Variants in UVSSA observed in about 807,000 individuals in gnomAD.
UVSSA encodes the protein UV-stimulated scaffold protein A.
Under a neutral mutation model 73.9 loss-of-function variants are expected in UVSSA, and 72 were observed. That is an observed-to-expected ratio of 0.97 (90% CI 0.81 to 1.19). UVSSA has a LOEUF of 1.19. UVSSA is among the 50% of genes most tolerant of loss of function. The pLI is 0.00. For synonymous variants in UVSSA, 454 were observed against 391.3 expected (o/e 1.16, Z -1.89); for missense variants, 1,150 against 965.0 (o/e 1.19, Z -2.54).
Position 1,395,147 on chromosome 4 carries a change from C to T in UVSSA, c.*9186C>T, listed in dbSNP as rs144963117. On this transcript the variant is annotated 3_prime_UTR_variant, in exon 14 of 14. Transcript: ENST00000511216. ...GATGTGGAGTGCCTGCCTGCTCACA[C>T]GTGCCCATGTGGAGTGTTCGCCTGC... is the stretch of plus-strand genomic sequence containing the variant. 2.1e-5 allele frequency: 27 copies of T among 1,299,824 alleles called. 6 individuals carry two copies. In the African/African-American group the frequency reaches 3.3e-4, roughly 16 times the overall value. 80.5% of individuals were successfully genotyped at this position (1,299,824 alleles called of 1,614,324 possible).
In UVSSA at chr4:1,353,251, C is replaced by T. The variant is rs1000286524; in HGVS notation, c.772C>T (p.Pro258Ser). ...GCAGCCCTGCTGCAGTAGAGACCTG[C>T]CTGCCTCTGCAGGCCACCCCAGAGC... ...GEQPCCSRDL[P>S]ASAGHPRAGG... Residue 258 changes from proline to serine, a missense_variant, in exon 5 of 14, where the codon CCT (proline) becomes TCT (serine). Transcript: ENST00000389851. 1 of 1,611,664 alleles carries T rather than the reference C, an allele frequency of 6.2e-7. No individual in the cohort carries two copies. The highest frequency in any genetic ancestry group is 1.7e-5 in the Admixed American group (1 of 59,992).
At chr4:1,370,651 G>A (rs1717919279) in intron 8 of UVSSA, among the ~76,000 whole-genome samples, 1 of 152,188 alleles carries the variant, frequency 6.6e-6, no homozygotes, top group Admixed American at 6.5e-5. Flanking sequence ...GATGGTGGGT[G>A]TGACTGGGTG....
chr4:1,342,171 C>A (rs1213632838), upstream of UVSSA, among the ~76,000 whole-genome samples: 1 of 152,202 alleles, frequency 6.6e-6, no homozygotes, highest in Non-Finnish European at 1.5e-5. Context: ...AACTGTACCA[C>A]AACTGCCAAA....
intron 8 of UVSSA, among the ~76,000 whole-genome samples, chr4:1,369,120 C>T (rs961227792): frequency 3.8e-5 from 5 of 131,022 alleles, no homozygotes; most frequent in African/African-American, 1.8e-4. Context: ...TAACCACGTT[C>T]TGCCGTTCTG....
chr4:1,375,957 G>T (rs1210716811), intron 9 of UVSSA, 77 bp from the exon 10 acceptor site: 1 of 1,540,460 alleles, frequency 6.5e-7, no homozygotes. Flanking sequence ...GCCTTGCTGT[G>T]GGGGTGGGGA....
downstream of UVSSA, chr4:1,388,496 T>C (rs1160565440): frequency 1.3e-5 from 2 of 152,242 alleles, no homozygotes; most frequent in Non-Finnish European, 2.9e-5. Context: ...TCCAGGACAA[T>C]GTTGAATAGA....
At chr4:1,346,653 C>A, upstream of UVSSA, among the ~76,000 whole-genome samples, 1 of 152,196 alleles carries the variant, frequency 6.6e-6, no homozygotes, top group South Asian at 2.1e-4. Context: ...TCAGGGCGCC[C>A]TGCGCGGGGC....
At chr4:1,377,160 G>A (rs1373217986) in intron 10 of UVSSA, among the ~76,000 whole-genome samples, 1 of 152,188 alleles carries the variant, frequency 6.6e-6, no homozygotes, top group East Asian at 1.9e-4. Flanking sequence ...CCGGGCAAGG[G>A]TCCTGGGGCA....
At chr4:1,368,357 C>T (rs979472156) in intron 8 of UVSSA, among the ~76,000 whole-genome samples, 5 of 152,266 alleles carry the variant, frequency 3.3e-5, no homozygotes, top group Non-Finnish European at 7.3e-5. Flanking sequence ...TAAAACCTGA[C>T]TTGTGGCTCT....
chr4:1,383,458 G>A (rs1353336087), intron 12 of UVSSA, among the ~76,000 whole-genome samples: 2 of 152,200 alleles, frequency 1.3e-5, no homozygotes, highest in African/African-American at 4.8e-5. Context: ...CCTAGGAGTG[G>A]CCTCTGGGCT....
chr4:1,359,369 ATCATCCGTGGCTGCGTCATTCGCT>A (rs1166226999), intron 7 of UVSSA: 2 of 152,198 alleles, frequency 1.3e-5, no homozygotes, highest in Non-Finnish European at 2.9e-5. Flanking sequence ...GGTGGGTGTG[ATCATCCGTGGCTGCGTCATTCGCT>A]GAGCTGATAA....
chr4:1,371,519 A>G (rs1718035883), intron 8 of UVSSA, among the ~76,000 whole-genome samples: 2 of 152,140 alleles, frequency 1.3e-5, no homozygotes, highest in Non-Finnish European at 1.5e-5. Context: ...TGCTGCTGAT[A>G]AGGACATACC....
chr4:1,351,389 T>C (rs1395410281), intron 3 of UVSSA, among the ~76,000 whole-genome samples: 1 of 143,384 alleles, frequency 7.0e-6, no homozygotes, highest in Admixed American at 7.0e-5. Flanking sequence ...TTTCTTTCTT[T>C]TTTTTTTTTT....
At chr4:1,342,079 CT>C (rs1291306468), upstream of UVSSA, among the ~76,000 whole-genome samples, 1 of 152,210 alleles carries the variant, frequency 6.6e-6, no homozygotes, top group Non-Finnish European at 1.5e-5. Flanking sequence ...GTGTGCCAGT[CT>C]TCTTGCAGAC....
At chr4:1,351,985 G>A (rs111554550) in intron 4 of UVSSA, 150 bp downstream of exon 4, 28 of 1,289,856 alleles carry the variant, frequency 2.2e-5, no homozygotes, top group African/African-American at 6.0e-5. Flanking sequence ...GCCGGAAGGC[G>A]TTCTTAGCCG....
At position 1,366,434 on chromosome 4, in the gene UVSSA, G is replaced by A; in HGVS notation, c.1288+3G>A. The A allele has an allele frequency of 6.2e-7, 1 of 1,604,884 alleles. No individual in the cohort carries two copies. Among genetic ancestry groups the A allele is most frequent in the Non-Finnish European group, 8.5e-7 (1 of 1,175,540 alleles). On this transcript the variant is annotated splice_donor_region_variant and intron_variant, in intron 8 of 13. Coordinates refer to ENST00000389851, the MANE Select transcript of UVSSA (RefSeq NM_020894.4). ...CGACCACTTGCGGCCTGAGTATGGTGAGCAGTGGGTCCCGTGGGGGGGGCA... is the reference window on the plus strand; with the variant it reads ...CGACCACTTGCGGCCTGAGTATGGTAAGCAGTGGGTCCCGTGGGGGGGGCA...
chr4:1,363,977 C>G (rs1055212450), intron 7 of UVSSA, among the ~76,000 whole-genome samples: 3 of 151,592 alleles, frequency 2.0e-5, no homozygotes, highest in Admixed American at 1.3e-4. Flanking sequence ...GCCCGGGCCC[C>G]GTGGCCTTGT....
intron 10 of UVSSA, among the ~76,000 whole-genome samples, chr4:1,377,677 TGAGA>T (rs1718941990): frequency 6.6e-6 from 1 of 151,760 alleles, no homozygotes; most frequent in African/African-American, 2.4e-5. Context: ...GCAGTTGGGC[TGAGA>T]GAGAGGCCTG....
At chr4:1,346,045 G>A (rs1273796049), upstream of UVSSA, among the ~76,000 whole-genome samples, 1 of 152,168 alleles carries the variant, frequency 6.6e-6, no homozygotes, top group Admixed American at 6.5e-5. Context: ...GCGGAGGAGC[G>A]GCTCGGGGCT....
Sources: gnomAD v4.1 joint callset for allele counts (sites outside exome capture counted in the v4.1 genomes callset) on GRCh38, gnomAD v4.1.1 for gene constraint, MANE v1.5 for transcripts, NCBI Gene and HGNC (gene_info 2026-07-23, HGNC 2026-07-21) for gene names.